The following VWA8 variants were observed in gnomAD, a reference collection of about 807,000 sequenced individuals.
VWA8 encodes von Willebrand factor A domain-containing protein 8.
A neutral mutation model predicts 241.5 loss-of-function variants in VWA8; 221 were observed. The observed-to-expected ratio is 0.91, with a 90% CI of 0.82 to 1.02. VWA8 has a LOEUF of 1.02. Ranked by LOEUF, VWA8 falls within the 50% of genes least tolerant of loss-of-function variation. The pLI is 0.00. For missense variants in VWA8, 2,322 were observed against 2,328.7 expected (o/e 1.00, Z 0.06); for synonymous variants, 852 against 827.1 (o/e 1.03, Z -0.52).
Position 41,691,311 on chromosome 13 carries a change from G to C in VWA8, c.3866+9C>G. 1 of 1,611,386 alleles carries C rather than the reference G, an allele frequency of 6.2e-7. No homozygotes were observed. Among genetic ancestry groups the C allele is most frequent in the South Asian group, 1.1e-5 (1 of 90,966 alleles). On this transcript the variant is annotated intron_variant, in intron 32 of 44. Transcript: ENST00000379310. The stretch of plus-strand genomic sequence containing the variant: ...CATACTCCATGATACACTATATAAA[G>C]CCACTCACTGATTTGTTTTGCTCTC...
At chr13:41,895,281 A>C (rs1315480780) in intron 4 of VWA8, among the ~76,000 whole-genome samples, 1 of 152,182 alleles carries the variant, frequency 6.6e-6, no homozygotes, top group East Asian at 1.9e-4. Flanking sequence ...GAGGTTATAT[A>C]ATTTGAAAAT....
intron 2 of VWA8, among the ~76,000 whole-genome samples, chr13:41,937,952 T>A (rs1425723378): frequency 6.6e-6 from 1 of 151,852 alleles, no homozygotes. Context: ...CCTGAGGTCA[T>A]GAGTTTGAGA....
chr13:41,585,423 C>G lies in VWA8; in HGVS notation c.5271+2089G>C, dbSNP rs142953149. On this transcript the variant is annotated intron_variant, in intron 42 of 44. Coordinates refer to ENST00000379310, the MANE Select transcript of VWA8 (RefSeq NM_015058.2). Reference sequence around the variant, plus strand: ...GGTTAATTCCTAATGAATTTTCTTTCTAAAAACTTGGGAGTATTTCACATG... The same window carrying G: ...GGTTAATTCCTAATGAATTTTCTTTGTAAAAACTTGGGAGTATTTCACATG... Among the ~76,000 whole-genome samples, 16 of 147,334 alleles carry G rather than the reference C, an allele frequency of 1.1e-4. No individual in the cohort carries two copies. The East Asian group carries it at 3.3e-3, about 31-fold the overall frequency.
chr13:41,706,153 C>T (rs1204745911), intron 26 of VWA8, among the ~76,000 whole-genome samples: 1 of 152,120 alleles, frequency 6.6e-6, no homozygotes, highest in African/African-American at 2.4e-5. Context: ...GAAAAAGTAA[C>T]TTTGCTCAAC....
intron 2 of VWA8, among the ~76,000 whole-genome samples, chr13:41,912,771 C>A (rs1876072758): frequency 6.6e-6 from 1 of 152,174 alleles, no homozygotes; most frequent in Non-Finnish European, 1.5e-5. Flanking sequence ...ATACCAAATT[C>A]TTTTGTGAAT....
intron 3 of VWA8, among the ~76,000 whole-genome samples, chr13:41,908,521 T>C (rs1027820745): frequency 2.0e-5 from 3 of 150,390 alleles, no homozygotes; most frequent in Admixed American, 6.6e-5. Flanking sequence ...AGAAGATAAA[T>C]ACACATGCAT....
At chr13:41,761,350 C>G (rs1003582661) in intron 20 of VWA8, 146 bp from the exon 21 acceptor site, 4 of 689,574 alleles carry the variant, frequency 5.8e-6, no homozygotes, top group Non-Finnish European at 9.7e-6. Flanking sequence ...AACTGGCAAA[C>G]ATATATGGAA....
chr13:41,692,483 A>G (rs977068334), intron 30 of VWA8, among the ~76,000 whole-genome samples: 4 of 152,082 alleles, frequency 2.6e-5, no homozygotes, highest in Non-Finnish European at 4.4e-5. Context: ...AATGGAGGAA[A>G]TTAGGTATCA....
intron 4 of VWA8, among the ~76,000 whole-genome samples, chr13:41,905,537 TA>T (rs1261047375): frequency 6.6e-6 from 1 of 152,130 alleles, no homozygotes; most frequent in East Asian, 1.9e-4. Context: ...ACTTTGAATC[TA>T]AAAGACAAAC....
intron 40 of VWA8, among the ~76,000 whole-genome samples, chr13:41,594,435 T>C (rs1408655943): frequency 6.6e-6 from 1 of 152,134 alleles, no homozygotes; most frequent in African/African-American, 2.4e-5. Flanking sequence ...TGATTTCTAA[T>C]GCAGGTCACA....
intron 33 of VWA8, 105 bp from the exon 34 acceptor site, chr13:41,689,613 A>C (rs2045162100): frequency 8.7e-7 from 1 of 1,152,276 alleles, no homozygotes; most frequent in East Asian, 2.8e-5. Flanking sequence ...GAACAAGTTA[A>C]AAAAGAGAAA....
At chr13:41,633,915 T>C (rs927122034) in intron 37 of VWA8, among the ~76,000 whole-genome samples, 6 of 152,312 alleles carry the variant, frequency 3.9e-5, no homozygotes, top group African/African-American at 1.4e-4. Context: ...GAGTCCTGGA[T>C]GCCATTCCAA....
intron 21 of VWA8, among the ~76,000 whole-genome samples, chr13:41,738,492 A>G (rs530445782): frequency 6.6e-6 from 1 of 152,290 alleles, no homozygotes; most frequent in African/African-American, 2.4e-5. Context: ...GTCTCCTACT[A>G]CTATGTTAAT....
chr13:41,809,663 T>C (rs958369472), intron 17 of VWA8, among the ~76,000 whole-genome samples: 1 of 152,110 alleles, frequency 6.6e-6, no homozygotes. Flanking sequence ...AAGAAAGCAT[T>C]GGAAAAACTC....
chr13:41,571,588 G>C (rs1362554409), intron 43 of VWA8, among the ~76,000 whole-genome samples: 2 of 152,204 alleles, frequency 1.3e-5, no homozygotes, highest in Non-Finnish European at 2.9e-5. Flanking sequence ...GACTGCGAGT[G>C]ATCTACCTGC....
chr13:41,865,966 T>C lies in VWA8; in HGVS notation c.1283A>G (p.Lys428Arg), dbSNP rs953420712. ...SDRFIQTLSH[K>R]QLQAEMMQSH... ...CTGCATCATTTCAGCCTGTAGCTGC[T>C]TATGGCTCAAAGTCTGTATGAAACG... Residue 428 changes from lysine to arginine, a missense_variant, in exon 11 of 45, where the codon AAG becomes AGG. Transcript: ENST00000379310. 3.7e-6 allele frequency: 6 copies of C among 1,614,252 alleles called. No individual in the cohort carries two copies. The highest frequency in any genetic ancestry group is 5.1e-6 in the Non-Finnish European group (6 of 1,180,046).
intron 20 of VWA8, among the ~76,000 whole-genome samples, chr13:41,762,664 T>C (rs2045749086): frequency 6.6e-6 from 1 of 152,140 alleles, no homozygotes; most frequent in South Asian, 2.1e-4. Flanking sequence ...GGGAAGCAGG[T>C]ATTTTTACTG....
At chr13:41,642,754 C>A (rs924458809) in intron 37 of VWA8, among the ~76,000 whole-genome samples, 7 of 150,974 alleles carry the variant, frequency 4.6e-5, no homozygotes, top group Non-Finnish European at 8.8e-5. Context: ...CAAGGTGAAA[C>A]CCCATCTCTA....
intron 5 of VWA8, 104 bp downstream of exon 5, chr13:41,891,316 C>G (rs1489266931): frequency 7.3e-6 from 10 of 1,375,058 alleles, no homozygotes; most frequent in Non-Finnish European, 1.0e-5. Context: ...TAAGGGCCAT[C>G]TGAACATCTG....
Sources: allele counts gnomAD v4.1 joint callset (sites outside exome capture counted in the v4.1 genomes callset), GRCh38; gene constraint gnomAD v4.1.1; transcripts MANE v1.5; gene names NCBI Gene and HGNC (gene_info 2026-07-23, HGNC 2026-07-21).